GRID2: variants seen among roughly 807,000 people sequenced by gnomAD.
GRID2 encodes the protein glutamate ionotropic receptor delta type subunit 2.
GRID2 carries 33 observed loss-of-function variants against 114.8 expected under a neutral mutation model. The observed-to-expected ratio is 0.29, with a 90% CI of 0.22 to 0.38. The LOEUF (loss-of-function observed/expected upper bound fraction) is 0.38, where lower values mean the gene tolerates loss of function less well. GRID2 is among the 10% of genes least tolerant of loss of function. The probability of loss-of-function intolerance (pLI) is 1.00; values close to 1 mark genes in which losing one functional copy is unlikely to be tolerated. For synonymous variants in GRID2, 505 were observed against 449.9 expected (o/e 1.12, Z -1.55); for missense variants, 1,184 against 1,257.7 (o/e 0.94, Z 0.89).
At chr4:92,940,450 G>A (rs1479279264) in intron 2 of GRID2, among the ~76,000 whole-genome samples, 2 of 151,516 alleles carry the variant, frequency 1.3e-5, no homozygotes, top group Non-Finnish European at 2.9e-5. Flanking sequence ...TTGCTTATCA[G>A]CTTAAGGAGA....
At chr4:93,029,157 A>G (rs114114402) in intron 2 of GRID2, among the ~76,000 whole-genome samples, 1,808 of 152,248 alleles carry the variant, frequency 0.012, 25 homozygotes, top group Non-Finnish European at 0.014. Context: ...TCTCCAAGGA[A>G]GTCCCTATTC....
intron 9 of GRID2, among the ~76,000 whole-genome samples, chr4:93,421,016 G>A (rs1166279900): frequency 2.6e-5 from 4 of 152,140 alleles, no homozygotes; most frequent in Non-Finnish European, 5.9e-5. Flanking sequence ...GTCTCCCAAA[G>A]TGCTGGGATA....
At chr4:93,801,861 C>G (rs777611948) in intron 1 of GRID2, among the ~76,000 whole-genome samples, 2 of 152,186 alleles carry the variant, frequency 1.3e-5, no homozygotes, top group Non-Finnish European at 2.9e-5. Flanking sequence ...ACAGACACAT[C>G]TCAGGTTAAA....
intron 1 of GRID2, among the ~76,000 whole-genome samples, chr4:92,509,677 G>C (rs1481705561): frequency 2.0e-5 from 3 of 151,882 alleles, no homozygotes; most frequent in African/African-American, 7.2e-5. Flanking sequence ...TAATAGAGTG[G>C]TTGAAAAGGG....
chr4:92,786,626 A>T (rs1406944840), intron 2 of GRID2, among the ~76,000 whole-genome samples: 2 of 151,914 alleles, frequency 1.3e-5, no homozygotes, highest in Non-Finnish European at 2.9e-5. Context: ...ATAAATGTGA[A>T]TATAAAGGTA....
chr4:92,468,271 C>T (rs1421949967), intron 1 of GRID2, among the ~76,000 whole-genome samples: 3 of 151,870 alleles, frequency 2.0e-5, no homozygotes, highest in Non-Finnish European at 4.4e-5. Context: ...GGTGTTTTTA[C>T]TAGCTGAATT....
In GRID2 at chr4:93,759,295, A is replaced by G. The variant is rs1733012857; in HGVS notation, c.2361-9915A>G. Among the ~76,000 whole-genome samples, 3 of 152,092 alleles carry G rather than the reference A, an allele frequency of 2.0e-5. No homozygotes were observed. In the South Asian group the frequency reaches 6.2e-4, roughly 32 times the overall value. On this transcript the variant is annotated intron_variant, in intron 14 of 15. Coordinates refer to ENST00000282020, the MANE Select transcript of GRID2 (RefSeq NM_001510.4). ...GCAAGACTTATGGTTGAAGGAGATG[A>G]CTCTAACCTAGAGAGATCAATTTGA...
intron 2 of GRID2, chr4:92,702,252 C>G (rs1734710968): frequency 6.6e-6 from 1 of 152,082 alleles, no homozygotes; most frequent in South Asian, 2.1e-4. Context: ...CATATCTTAC[C>G]CAAAAGTAGG....
intron 1 of GRID2, among the ~76,000 whole-genome samples, chr4:92,384,506 T>A (rs371577035): frequency 2.0e-5 from 1 of 50,782 alleles, no homozygotes; most frequent in Non-Finnish European, 3.2e-5. Flanking sequence ...AAATATATAT[T>A]ATATATAATA....
rs540987105 is a variant in GRID2, at chr4:92,356,430, T to A, written c.88+51686T>A. Among the ~76,000 whole-genome samples, 7 of 151,692 alleles carry A rather than the reference T, an allele frequency of 4.6e-5. No homozygotes were observed. The South Asian group carries it at 1.2e-3, about 27-fold the overall frequency. ...GTTCTATTTTAATGATCTCTTTTAC[T>A]AACTTATGCATTCCTTATATATTAA... On this transcript the variant is annotated intron_variant, in intron 1 of 15. Coordinates refer to ENST00000282020, the MANE Select transcript of GRID2 (RefSeq NM_001510.4).
chr4:92,596,914 T>A (rs560185711), intron 2 of GRID2, among the ~76,000 whole-genome samples: 1 of 151,944 alleles, frequency 6.6e-6, no homozygotes, highest in Non-Finnish European at 1.5e-5. Context: ...GGAATAAAAA[T>A]GTATTTGAGG....
intron 2 of GRID2, among the ~76,000 whole-genome samples, chr4:92,602,568 G>A (rs1174903248): frequency 1.3e-5 from 2 of 151,888 alleles, no homozygotes; most frequent in African/African-American, 4.8e-5. Context: ...ATATTAACAG[G>A]TGTGTATGAC....
intron 8 of GRID2, among the ~76,000 whole-genome samples, chr4:93,268,379 A>G (rs1579488548): frequency 6.6e-6 from 1 of 152,272 alleles, no homozygotes; most frequent in Middle Eastern, 3.4e-3. Flanking sequence ...CCACCTCATG[A>G]CTTCATTTAA....
intron 12 of GRID2, among the ~76,000 whole-genome samples, chr4:93,505,149 T>A (rs1202821375): frequency 1.3e-5 from 2 of 152,036 alleles, no homozygotes; most frequent in African/African-American, 4.8e-5. Context: ...CTAATCATAT[T>A]ATGTAATGCC....
chr4:93,589,202 T>A (rs1479381583), intron 13 of GRID2, among the ~76,000 whole-genome samples: 46 of 85,348 alleles, frequency 5.4e-4, no homozygotes, highest in Middle Eastern at 0.011. Context: ...CCCTCCCCCC[T>A]CCCCCCACCC....
At chr4:92,639,441 C>A (rs1579739749) in intron 2 of GRID2, among the ~76,000 whole-genome samples, 1 of 151,718 alleles carries the variant, frequency 6.6e-6, no homozygotes, top group Non-Finnish European at 1.5e-5. Context: ...TCTCATAGGG[C>A]ATTGAAAGAG....
intron 1 of GRID2, among the ~76,000 whole-genome samples, chr4:92,342,820 A>C (rs1028065187): frequency 1.3e-5 from 2 of 152,152 alleles, no homozygotes; most frequent in Non-Finnish European, 2.9e-5. Context: ...CCAATATCCT[A>C]ATATTACTAA....
intron 4 of GRID2, among the ~76,000 whole-genome samples, chr4:93,166,392 T>A (rs991521936): frequency 2.0e-5 from 3 of 152,118 alleles, no homozygotes; most frequent in African/African-American, 7.2e-5. Context: ...AGAAAAGAAG[T>A]CAGGTGACCT....
chr4:92,446,589 A>C (rs1247433460), intron 1 of GRID2, among the ~76,000 whole-genome samples: 1 of 152,342 alleles, frequency 6.6e-6, no homozygotes, highest in Admixed American at 6.5e-5. Context: ...AATCCAAGCT[A>C]GCTAGCCTCC....
Sources: gnomAD v4.1 joint callset for allele counts (sites outside exome capture counted in the v4.1 genomes callset) on GRCh38, gnomAD v4.1.1 for gene constraint, MANE v1.5 for transcripts, NCBI Gene and HGNC (gene_info 2026-07-23, HGNC 2026-07-21) for gene names.